HMGXB4: variants seen among roughly 807,000 people sequenced by gnomAD.
The protein encoded by HMGXB4 is HMG-box containing 4.
HMGXB4 carries 27 observed loss-of-function variants against 63.9 expected under a neutral mutation model. The observed-to-expected ratio is 0.42, with a 90% CI of 0.31 to 0.58. The LOEUF is 0.58. HMGXB4 is among the 20% of genes least tolerant of loss of function. HMGXB4 has a pLI of 0.13. For synonymous variants in HMGXB4, 264 were observed against 265.3 expected (o/e 0.99, Z 0.05); for missense variants, 624 against 700.7 (o/e 0.89, Z 1.24).
At chr22:35,293,398 A>G (rs1925045111) in intron 10 of HMGXB4, among the ~76,000 whole-genome samples, 1 of 152,248 alleles carries the variant, frequency 6.6e-6, no homozygotes, top group South Asian at 2.1e-4. Flanking sequence ...AAGACAGTAC[A>G]GGAATTGTTT....
At chr22:35,267,226 G>T (rs1923319831) in intron 5 of HMGXB4, among the ~76,000 whole-genome samples, 1 of 150,548 alleles carries the variant, frequency 6.6e-6, no homozygotes, top group South Asian at 2.1e-4. Context: ...CCACAAAGCT[G>T]TACCTCTGAG....
At chr22:35,246,856 T>G in the HMGXB4 span, among the ~76,000 whole-genome samples, 1 of 152,240 alleles carries the variant, frequency 6.6e-6, no homozygotes, top group Non-Finnish European at 1.5e-5. Flanking sequence ...AAGAAGCACA[T>G]CCACGCCATC....
intron 3 of HMGXB4, 143 bp downstream of exon 3, chr22:35,263,369 C>T (rs1261797691): frequency 5.9e-6 from 4 of 674,216 alleles, no homozygotes; most frequent in South Asian, 4.2e-5. Flanking sequence ...CTGCAACCTT[C>T]GACTCCCAGG....
At chr22:35,287,649 T>G (rs1160693329) in intron 8 of HMGXB4, among the ~76,000 whole-genome samples, 197 bp downstream of exon 8, 2 of 152,164 alleles carry the variant, frequency 1.3e-5, no homozygotes, top group Non-Finnish European at 2.9e-5. Flanking sequence ...AACTTTTTCT[T>G]TAAAGGTCCA....
chr22:35,263,087 A>T lies in HMGXB4; in HGVS notation c.41A>T (p.Asp14Val), dbSNP rs765396511. 6.2e-7 allele frequency: 1 copy of T among 1,613,424 alleles called. No individual in the cohort carries two copies. The highest frequency in any genetic ancestry group is 8.5e-7 in the Non-Finnish European group (1 of 1,179,842). ...AACCTGTGCTTCTCAGATTGTTTTG[A>T]TGGTGATCATACCTTTGAGGACATA... ...DDSVKKEDCF[D>V]GDHTFEDIGL... Residue 14 changes from aspartate to valine, a missense_variant, in exon 3 of 11, where the codon GAT (aspartate) becomes GTT (valine). By Grantham distance (152) the Asp-to-Val change is radical. Transcript: ENST00000216106.
chr22:35,247,319 G>A, the HMGXB4 span, among the ~76,000 whole-genome samples: 1 of 152,160 alleles, frequency 6.6e-6, no homozygotes, highest in African/African-American at 2.4e-5. Context: ...CCAGATGTCC[G>A]TCCTGGCTGA....
upstream of HMGXB4, among the ~76,000 whole-genome samples, chr22:35,253,664 C>T (rs1480788751): frequency 6.6e-6 from 1 of 152,086 alleles, no homozygotes; most frequent in Non-Finnish European, 1.5e-5. Context: ...ATGCTCTTTC[C>T]TCTCTGGTCA....
the HMGXB4 span, among the ~76,000 whole-genome samples, chr22:35,246,028 C>G: frequency 6.6e-6 from 1 of 152,174 alleles, no homozygotes; most frequent in Non-Finnish European, 1.5e-5. Flanking sequence ...GGTGCAGCTC[C>G]CCACATAATC....
At position 35,265,066 on chromosome 22, in the gene HMGXB4, A is replaced by G. The variant is rs139836644; in HGVS notation, c.678A>G (p.Lys226=). ...CGACTGTGAAAAAATCCTCAAAGAA[A>G]TCAGCTCGGGATGAGCAGGGTGCTT... The part of the protein sequence containing the change: ...QQATVKKSSK[K]SARDEQGALL... The change falls in exon 5 of 11, where the codon AAA becomes AAG. Residue 226 remains lysine, a synonymous_variant. Transcript: ENST00000216106. 351 of 1,614,100 alleles carry G rather than the reference A, an allele frequency of 2.2e-4. 1 individual carries two copies. In the African/African-American group the frequency reaches 4.4e-3, roughly 20 times the overall value.
chr22:35,270,076 A>T (rs943312982), intron 5 of HMGXB4, among the ~76,000 whole-genome samples: 2 of 152,200 alleles, frequency 1.3e-5, no homozygotes, highest in African/African-American at 4.8e-5. Flanking sequence ...AGATCTACCT[A>T]CAGCAGGGGT....
upstream of HMGXB4, among the ~76,000 whole-genome samples, chr22:35,254,202 C>T (rs1305435486): frequency 6.6e-6 from 1 of 152,214 alleles, no homozygotes; most frequent in African/African-American, 2.4e-5. Flanking sequence ...AACTGCCCCA[C>T]ACTTAGGGAG....
the HMGXB4 span, among the ~76,000 whole-genome samples, chr22:35,245,356 C>CT: frequency 5.9e-5 from 5 of 84,898 alleles, no homozygotes; most frequent in East Asian, 1.7e-3. Flanking sequence ...CTGAGACTAT[C>CT]TTTTTTCTCT....
chr22:35,292,695 G>T (rs192164175), intron 9 of HMGXB4, among the ~76,000 whole-genome samples: 18 of 152,266 alleles, frequency 1.2e-4, no homozygotes, highest in Non-Finnish European at 2.5e-4. Flanking sequence ...TCCAGAGTAG[G>T]TAAAGCATTT....
At chr22:35,254,081 G>A (rs1298917034), upstream of HMGXB4, among the ~76,000 whole-genome samples, 1 of 152,166 alleles carries the variant, frequency 6.6e-6, no homozygotes, top group African/African-American at 2.4e-5. Context: ...AAAGAGAAGA[G>A]CACAGAAAAG....
At chr22:35,265,789 C>CTTT (rs769959544) in intron 5 of HMGXB4, among the ~76,000 whole-genome samples, 186 bp downstream of exon 5, 1 of 140,096 alleles carries the variant, frequency 7.1e-6, no homozygotes, top group East Asian at 2.0e-4. Flanking sequence ...TAGAAGCAAT[C>CTTT]TTTTTTTTTT....
chr22:35,255,748 G>A (rs1426446187), upstream of HMGXB4, among the ~76,000 whole-genome samples: 3 of 152,238 alleles, frequency 2.0e-5, no homozygotes, highest in Admixed American at 6.5e-5. Context: ...GAAACACATG[G>A]AAATGGGTTT....
intron 5 of HMGXB4, among the ~76,000 whole-genome samples, chr22:35,276,193 G>T (rs554328609): frequency 6.6e-6 from 1 of 152,156 alleles, no homozygotes; most frequent in South Asian, 2.1e-4. Flanking sequence ...CACGTGAGGC[G>T]AACAGTGTAA....
In HMGXB4 at chr22:35,294,881, A is replaced by G. The variant is rs1925172355; in HGVS notation, c.*1230A>G. 1 of 151,628 alleles carries G rather than the reference A, an allele frequency of 6.6e-6. No homozygotes were observed. Among genetic ancestry groups the G allele is most frequent in the Non-Finnish European group, 1.5e-5 (1 of 67,970 alleles). The allele number at this position is 151,628 out of a possible 1,614,324, so 9.4% of individuals were successfully genotyped here. ...GTTCCAAAAACTCTGAATCATCTAC[A>G]TTTTAAGGTATTTTACCTCAAAAAT... On this transcript the variant is annotated 3_prime_UTR_variant, in exon 11 of 11. Transcript: ENST00000216106.
At chr22:35,264,109 T>G in intron 4 of HMGXB4, 1 of 1,470,780 alleles carries the variant, frequency 6.8e-7, no homozygotes, top group Non-Finnish European at 9.2e-7. Context: ...ACCAGGTTCC[T>G]TCTCCCCCCA....
Sources: allele counts gnomAD v4.1 joint callset (sites outside exome capture counted in the v4.1 genomes callset), GRCh38; gene constraint gnomAD v4.1.1; transcripts MANE v1.5; gene names NCBI Gene and HGNC (gene_info 2026-07-23, HGNC 2026-07-21).